Variants in PPM1L observed in about 807,000 individuals in gnomAD.
The protein encoded by PPM1L is protein phosphatase 1L.
PPM1L carries 13 observed loss-of-function variants against 31.4 expected under a neutral mutation model. The observed-to-expected ratio is 0.41, with a 90% CI of 0.27 to 0.66. The LOEUF (loss-of-function observed/expected upper bound fraction) is 0.66. Ranked by LOEUF, PPM1L falls within the 30% of genes least tolerant of loss-of-function variation. The pLI is 0.29. For synonymous variants in PPM1L, 184 were observed against 175.4 expected, an observed-to-expected ratio of 1.05 and a Z score of -0.39; for missense variants, 326 against 453.7, an observed-to-expected ratio of 0.72 and a Z score of 2.56.
In PPM1L at chr3:160,961,783, G is replaced by T; in HGVS notation, c.447G>T (p.Gln149His). 1 of 1,601,930 alleles carries T rather than the reference G, an allele frequency of 6.2e-7. No homozygotes were observed. The highest frequency in any genetic ancestry group is 1.1e-5 in the South Asian group (1 of 87,972). ...CTCGACTCCCAGAGGCCCTTAAACA[G>T]CATCTTCAGGACTACGAGAAAGACA... ...VKSRLPEALK[Q>H]HLQDYEKDKE... Residue 149 changes from glutamine (Q) to histidine (H), a missense_variant, in exon 2 of 4, where the codon CAG becomes CAT. Coordinates refer to ENST00000498165, the MANE Select transcript of PPM1L (RefSeq NM_139245.4).
chr3:161,028,247 C>T lies in PPM1L; in HGVS notation c.575-37156C>T, dbSNP rs191870438. Among the ~76,000 whole-genome samples the T allele has an allele frequency of 3.5e-3, 527 of 152,276 alleles. 2 individuals carry two copies. Among genetic ancestry groups the T allele is most frequent in the Non-Finnish European group, 5.9e-3 (400 of 68,034 alleles). On this transcript the variant is annotated intron_variant, in intron 2 of 3. Transcript: ENST00000498165. Reference sequence around the variant, plus strand: ...TGATGACATTCTGTGATTCAGGCTGCATGAATGAAACGGCACGTGTAAATT... The same window carrying T: ...TGATGACATTCTGTGATTCAGGCTGTATGAATGAAACGGCACGTGTAAATT...
chr3:160,999,907 C>A (rs113706803), intron 2 of PPM1L, among the ~76,000 whole-genome samples: 4,773 of 152,294 alleles, frequency 0.031, 104 homozygotes, highest in South Asian at 0.044. Flanking sequence ...ATGCATACAA[C>A]GCTTAATGTG....
chr3:160,855,494 C>T (rs144038195), intron 1 of PPM1L, among the ~76,000 whole-genome samples: 3 of 152,192 alleles, frequency 2.0e-5, no homozygotes, highest in East Asian at 1.9e-4. Context: ...GGCTAATATC[C>T]GTAATCTGTA....
At chr3:160,783,867 G>A (rs1310581209) in intron 1 of PPM1L, among the ~76,000 whole-genome samples, 1 of 152,100 alleles carries the variant, frequency 6.6e-6, no homozygotes, top group Non-Finnish European at 1.5e-5. Flanking sequence ...AAGGAATCAG[G>A]TATTGAACTG....
chr3:161,014,022 A>G (rs183046644), intron 2 of PPM1L, among the ~76,000 whole-genome samples: 1,596 of 152,272 alleles, frequency 0.01, 28 homozygotes, highest in African/African-American at 0.037. Context: ...GCCCATTTAC[A>G]TTTAAGGTTA....
chr3:160,999,477 C>G (rs753387579), intron 2 of PPM1L, among the ~76,000 whole-genome samples: 20 of 152,172 alleles, frequency 1.3e-4, no homozygotes, highest in Admixed American at 1.3e-3. Context: ...ATCTCTTACA[C>G]CCCAGTTATT....
At chr3:161,010,673 T>A (rs922514401) in intron 2 of PPM1L, among the ~76,000 whole-genome samples, 2 of 152,216 alleles carry the variant, frequency 1.3e-5, no homozygotes, top group Non-Finnish European at 2.9e-5. Context: ...CTCCACATCC[T>A]CTCCAGCACC....
At chr3:160,774,048 T>G (rs1286482209) in intron 1 of PPM1L, among the ~76,000 whole-genome samples, 1 of 152,210 alleles carries the variant, frequency 6.6e-6, no homozygotes, top group Non-Finnish European at 1.5e-5. Flanking sequence ...TTCCTGTTTA[T>G]AGCCCACATC....
chr3:160,835,337 T>G (rs1713683717), intron 1 of PPM1L, among the ~76,000 whole-genome samples: 1 of 151,996 alleles, frequency 6.6e-6, no homozygotes, highest in African/African-American at 2.4e-5. Flanking sequence ...GTTTTCAGTA[T>G]TCTCTAAAGT....
At chr3:161,020,985 G>A (rs1718221642) in intron 2 of PPM1L, among the ~76,000 whole-genome samples, 1 of 151,430 alleles carries the variant, frequency 6.6e-6, no homozygotes, top group Admixed American at 6.6e-5. Flanking sequence ...GCTAAAGTTT[G>A]GTCAACTTTG....
intron 1 of PPM1L, among the ~76,000 whole-genome samples, chr3:160,895,210 G>GT (rs1214592088): frequency 8.2e-4 from 125 of 152,082 alleles, no homozygotes; most frequent in African/African-American, 2.7e-3. Flanking sequence ...CCATTTGTGG[G>GT]GTTTTTTTGT....
At chr3:160,867,068 TG>T (rs1261581606) in intron 1 of PPM1L, among the ~76,000 whole-genome samples, 1 of 152,132 alleles carries the variant, frequency 6.6e-6, no homozygotes, top group East Asian at 1.9e-4. Context: ...TTGAACTCCT[TG>T]GCTCAAGTGG....
chr3:160,883,479 A>C (rs1361037352), intron 1 of PPM1L, among the ~76,000 whole-genome samples: 1 of 152,152 alleles, frequency 6.6e-6, no homozygotes, highest in Non-Finnish European at 1.5e-5. Context: ...CTTTAAAAAC[A>C]ACTACATCCT....
At chr3:160,862,609 T>C (rs1174449272) in intron 1 of PPM1L, among the ~76,000 whole-genome samples, 2 of 150,652 alleles carry the variant, frequency 1.3e-5, no homozygotes, top group Non-Finnish European at 2.9e-5. Context: ...AGGGCAGTCT[T>C]ACATAGGAGA....
intron 2 of PPM1L, among the ~76,000 whole-genome samples, chr3:160,984,261 T>G (rs1444118114): frequency 6.6e-6 from 1 of 152,172 alleles, no homozygotes; most frequent in Admixed American, 6.5e-5. Flanking sequence ...CCAGGGCTGT[T>G]AATTATTAAT....
At chr3:161,046,919 C>T (rs1044270601) in intron 2 of PPM1L, among the ~76,000 whole-genome samples, 2 of 152,066 alleles carry the variant, frequency 1.3e-5, no homozygotes, top group Non-Finnish European at 2.9e-5. Flanking sequence ...TCAATAAATT[C>T]GGTATTGATG....
intron 2 of PPM1L, among the ~76,000 whole-genome samples, chr3:161,019,111 A>G (rs1456485140): frequency 3.3e-5 from 5 of 152,226 alleles, no homozygotes; most frequent in Non-Finnish European, 7.3e-5. Flanking sequence ...TTGGTTAATT[A>G]TTTTAGATAA....
intron 1 of PPM1L, among the ~76,000 whole-genome samples, chr3:160,759,683 AC>A (rs1440687891): frequency 1.3e-5 from 2 of 152,188 alleles, no homozygotes; most frequent in African/African-American, 4.8e-5. Flanking sequence ...TTAGAGTGTT[AC>A]GGTGACACAG....
chr3:160,796,006 C>T (rs1039866823), intron 1 of PPM1L, among the ~76,000 whole-genome samples: 6 of 152,228 alleles, frequency 3.9e-5, no homozygotes, highest in African/African-American at 1.4e-4. Context: ...TCCCCTAAAT[C>T]TGAATCATGG....
Sources: gnomAD v4.1 joint callset for allele counts (sites outside exome capture counted in the v4.1 genomes callset) on GRCh38, gnomAD v4.1.1 for gene constraint, MANE v1.5 for transcripts, NCBI Gene and HGNC (gene_info 2026-07-23, HGNC 2026-07-21) for gene names.